Variants in GPC3 observed in about 807,000 individuals in gnomAD.
The protein encoded by GPC3 is glypican-3.
GPC3 carries 3 observed loss-of-function variants against 34.4 expected under a neutral mutation model. The ratio of observed to expected loss-of-function variants is 0.09; its 90% CI spans 0.04 to 0.23. The LOEUF is 0.23. Among genes scored for constraint, GPC3 ranks in the 10% least tolerant of loss-of-function variants. The pLI, the probability that GPC3 is intolerant of heterozygous loss-of-function variation, is 1.00. For missense variants in GPC3, 351 were observed against 445.6 expected (o/e 0.79, Z 1.91); for synonymous variants, 177 against 174.0 (o/e 1.02, Z -0.13).
intron 1 of GPC3, among the ~76,000 whole-genome samples, chrX:133,977,820 A>G (rs2076522877): frequency 8.9e-6 from 1 of 112,476 alleles, no homozygotes; most frequent in African/African-American, 3.2e-5. Context: ...CAACTAATTG[A>G]AAGTTTGGCC....
chrX:133,625,997 T>C (rs780147603), intron 6 of GPC3, among the ~76,000 whole-genome samples: 217 of 110,942 alleles, frequency 2.0e-3, no homozygotes, highest in Non-Finnish European at 2.9e-3. Context: ...ACAGAGCCCT[T>C]AGAAATAATA....
intron 2 of GPC3, among the ~76,000 whole-genome samples, chrX:133,808,375 G>A (rs932951627): frequency 1.8e-5 from 2 of 112,101 alleles, no homozygotes; most frequent in Non-Finnish European, 3.8e-5. Flanking sequence ...ATGTCTTGGG[G>A]AAATAAAATG....
chrX:133,613,076 A>G (rs2124349394), intron 6 of GPC3, among the ~76,000 whole-genome samples: 1 of 111,856 alleles, frequency 8.9e-6, no homozygotes, highest in African/African-American at 3.2e-5. Context: ...TATTATAAGA[A>G]AAAGGCTTTG....
intron 2 of GPC3, among the ~76,000 whole-genome samples, chrX:133,866,558 A>G (rs1228433359): frequency 1.8e-5 from 2 of 112,196 alleles, no homozygotes; most frequent in African/African-American, 3.2e-5. Context: ...GATTTTCCAG[A>G]TACATTTCTA....
chrX:133,853,488 C>T (rs1427170651), intron 2 of GPC3, among the ~76,000 whole-genome samples: 2 of 112,183 alleles, frequency 1.8e-5, no homozygotes, highest in Admixed American at 1.9e-4. Context: ...TTACTATATA[C>T]TTGGCAAATT....
intron 2 of GPC3, among the ~76,000 whole-genome samples, chrX:133,948,318 T>C (rs1270035991): frequency 9.0e-6 from 1 of 110,616 alleles, no homozygotes; most frequent in Non-Finnish European, 1.9e-5. Context: ...TCAATTTTAT[T>C]TAGGGGGAGT....
intron 2 of GPC3, among the ~76,000 whole-genome samples, chrX:133,939,582 C>T (rs2076336288): frequency 2.7e-5 from 3 of 111,688 alleles, no homozygotes; most frequent in Admixed American, 1.9e-4. Context: ...TTTCACCATA[C>T]AACTATAGCA....
chrX:133,696,383 C>T (rs1352385661), intron 4 of GPC3, among the ~76,000 whole-genome samples: 1 of 112,086 alleles, frequency 8.9e-6, no homozygotes, highest in Non-Finnish European at 1.9e-5. Flanking sequence ...CTGGGCCTCT[C>T]TCATCTCTCC....
chrX:133,708,413 G>A (rs993474402), intron 3 of GPC3, among the ~76,000 whole-genome samples: 3 of 111,323 alleles, frequency 2.7e-5, no homozygotes, highest in African/African-American at 9.8e-5. Flanking sequence ...CTTTCCATAT[G>A]GCAATGTCAC....
At chrX:133,967,871 C>T (rs1452780035) in intron 1 of GPC3, among the ~76,000 whole-genome samples, 1 of 112,172 alleles carries the variant, frequency 8.9e-6, no homozygotes. Context: ...GAGCTCAAGT[C>T]ATCTGCCCAC....
At chrX:133,678,329 G>A (rs966079090) in intron 5 of GPC3, among the ~76,000 whole-genome samples, 2 of 111,488 alleles carry the variant, frequency 1.8e-5, no homozygotes, top group Non-Finnish European at 3.8e-5. Context: ...AAGGGAAGAG[G>A]GCAATGATCA....
intron 3 of GPC3, among the ~76,000 whole-genome samples, chrX:133,716,190 G>A (rs2071311927): frequency 1.8e-5 from 2 of 111,665 alleles, no homozygotes; most frequent in South Asian, 7.5e-4. Flanking sequence ...TGAGGATAGG[G>A]GAGAATCTGA....
intron 6 of GPC3, among the ~76,000 whole-genome samples, chrX:133,629,611 G>T (rs910037495): frequency 1.5e-4 from 16 of 107,698 alleles, no homozygotes; most frequent in Non-Finnish European, 2.9e-4. Flanking sequence ...GGCCAGGGTG[G>T]TCTAGAACTC....
At chrX:133,914,944 AATATATATATAT>A (rs35086661) in intron 2 of GPC3, among the ~76,000 whole-genome samples, 793 of 49,938 alleles carry the variant, frequency 0.016, 20 homozygotes, top group South Asian at 0.074. Flanking sequence ...TCAAACTGGA[AATATATATATAT>A]ATATATATAT....
At chrX:133,737,325 C>G (rs943647058) in intron 3 of GPC3, among the ~76,000 whole-genome samples, 30 of 111,745 alleles carry the variant, frequency 2.7e-4, no homozygotes, top group African/African-American at 9.1e-4. Context: ...TGTGCCACAC[C>G]AAGAGTGAAA....
intron 2 of GPC3, among the ~76,000 whole-genome samples, chrX:133,842,021 C>T (rs1257500696): frequency 1.8e-5 from 2 of 112,357 alleles, no homozygotes; most frequent in African/African-American, 6.5e-5. Context: ...TAAGTTATTA[C>T]TTAATAAACT....
chrX:133,790,118 A>T (rs2072144713), intron 2 of GPC3, among the ~76,000 whole-genome samples: 1 of 110,813 alleles, frequency 9.0e-6, no homozygotes, highest in African/African-American at 3.3e-5. Context: ...GAAGAAATGG[A>T]TATCAGCCAA....
intron 5 of GPC3, among the ~76,000 whole-genome samples, chrX:133,678,199 G>A (rs1033639873): frequency 2.7e-5 from 3 of 112,036 alleles, no homozygotes; most frequent in African/African-American, 9.7e-5. Flanking sequence ...AAACTGCCTA[G>A]CATATTGTGT....
intron 7 of GPC3, among the ~76,000 whole-genome samples, chrX:133,543,954 G>A (rs1017133045): frequency 8.9e-6 from 1 of 111,934 alleles, no homozygotes; most frequent in Non-Finnish European, 1.9e-5. Flanking sequence ...TAGAGGTTGG[G>A]TACGGTGGCT....
Sources: gnomAD v4.1 joint callset for allele counts (sites outside exome capture counted in the v4.1 genomes callset) on GRCh38, gnomAD v4.1.1 for gene constraint, MANE v1.5 for transcripts, NCBI Gene and HGNC (gene_info 2026-07-23, HGNC 2026-07-21) for gene names.